The following RIN2 variants were observed in gnomAD, a reference collection of about 807,000 sequenced individuals.
RIN2 encodes the protein RAB5 interacting protein 2.
A neutral mutation model predicts 78.0 loss-of-function variants in RIN2; 36 were observed. The ratio of observed to expected loss-of-function variants is 0.46; its 90% CI spans 0.35 to 0.61. RIN2 has a LOEUF of 0.61. Ranked by LOEUF, RIN2 falls within the 20% of genes least tolerant of loss-of-function variation. The probability of loss-of-function intolerance (pLI) is 0.00; values close to 1 mark genes in which losing one functional copy is unlikely to be tolerated. For synonymous variants in RIN2, 466 were observed against 466.8 expected (o/e 1.00, Z 0.02); for missense variants, 1,087 against 1,159.7 (o/e 0.94, Z 0.91).
At chr20:19,867,095 CATAAG>C (rs2037533543) in intron 2 of RIN2, among the ~76,000 whole-genome samples, 3 of 151,966 alleles carry the variant, frequency 2.0e-5, no homozygotes, top group Non-Finnish European at 4.4e-5. Context: ...TACAGAGACT[CATAAG>C]ATGTCAGTTA....
At chr20:19,776,280 C>G (rs1416658736) in intron 1 of RIN2, among the ~76,000 whole-genome samples, 1 of 152,200 alleles carries the variant, frequency 6.6e-6, no homozygotes, top group Non-Finnish European at 1.5e-5. Context: ...ACTGATAGAA[C>G]AGATTCTTGA....
intron 1 of RIN2, among the ~76,000 whole-genome samples, chr20:19,770,880 C>A (rs78194863): frequency 6.9e-4 from 96 of 139,248 alleles, no homozygotes; most frequent in Non-Finnish European, 1.2e-3. Flanking sequence ...CCCACCCCCC[C>A]CCCCCACCTT....
intron 3 of RIN2, among the ~76,000 whole-genome samples, chr20:19,918,207 G>A (rs1362200486): frequency 3.9e-5 from 6 of 152,056 alleles, no homozygotes; most frequent in South Asian, 2.1e-4. Flanking sequence ...AAACCTGCTC[G>A]TCTATTTTAA....
chr20:19,844,669 C>CCTCTTCCTCTTCCT (rs1568807647), intron 2 of RIN2, among the ~76,000 whole-genome samples: 2 of 76,166 alleles, frequency 2.6e-5, no homozygotes, highest in African/African-American at 1.2e-4. Flanking sequence ...TCTTCTTCTT[C>CCTCTTCCTCTTCCT]CTTCTTCTTC....
At chr20:19,912,138 C>T (rs2039496296) in intron 3 of RIN2, among the ~76,000 whole-genome samples, 9 of 152,222 alleles carry the variant, frequency 5.9e-5, no homozygotes, top group Admixed American at 5.9e-4. Context: ...TCAGCCTTAA[C>T]TCCAGGACTC....
At position 19,887,640 on chromosome 20, in the gene RIN2, C is replaced by G. The variant is rs566458661; in HGVS notation, c.-36-1926C>G. On this transcript the variant is annotated intron_variant, in intron 2 of 12. Coordinates refer to ENST00000255006, the MANE Select transcript of RIN2 (RefSeq NM_018993.4). ...CTAATTAAAATAAACTAGTACATTT[C>G]TGGAACCTAAACTGCTCCAATGCTG... is the stretch of plus-strand genomic sequence containing the variant. Among the ~76,000 whole-genome samples the G allele has an allele frequency of 2.6e-5, 4 of 152,306 alleles. No individual in the cohort carries two copies. The East Asian group carries it at 5.8e-4, about 22-fold the overall frequency.
chr20:19,875,866 G>A (rs1298443375), intron 2 of RIN2, among the ~76,000 whole-genome samples: 1 of 152,208 alleles, frequency 6.6e-6, no homozygotes, highest in African/African-American at 2.4e-5. Context: ...GGTCGGCGCA[G>A]TCCAAGGCCT....
At chr20:19,892,436 G>T (rs889953158) in intron 3 of RIN2, among the ~76,000 whole-genome samples, 1 of 152,024 alleles carries the variant, frequency 6.6e-6, no homozygotes, top group African/African-American at 2.4e-5. Context: ...TGCTGGTCTC[G>T]AACTCCTGAC....
intron 4 of RIN2, among the ~76,000 whole-genome samples, chr20:19,955,714 A>G (rs1452667049): frequency 6.6e-6 from 1 of 152,200 alleles, no homozygotes; most frequent in Non-Finnish European, 1.5e-5. Context: ...TAATGTCGAC[A>G]TGATTTTACG....
intron 4 of RIN2, among the ~76,000 whole-genome samples, chr20:19,940,477 T>A (rs2040822920): frequency 6.6e-6 from 1 of 152,208 alleles, no homozygotes; most frequent in African/African-American, 2.4e-5. Flanking sequence ...TGTGCCTCCC[T>A]GACCAGTTCT....
chr20:19,881,054 TTTC>T (rs1319384936), intron 2 of RIN2, among the ~76,000 whole-genome samples: 1 of 152,224 alleles, frequency 6.6e-6, no homozygotes, highest in Non-Finnish European at 1.5e-5. Flanking sequence ...AGAGATCTAG[TTTC>T]TTACTTTTGC....
At chr20:19,764,918 G>GGTTTTTTTTTTTT (rs2033804608) in intron 1 of RIN2, among the ~76,000 whole-genome samples, 6 of 50,362 alleles carry the variant, frequency 1.2e-4, no homozygotes, top group Non-Finnish European at 2.2e-4. Flanking sequence ...CACTTTCTGC[G>GGTTTTTTTTTTTT]TTTTTTTTTT....
intron 4 of RIN2, among the ~76,000 whole-genome samples, chr20:19,947,377 C>A (rs2041139802): frequency 6.6e-6 from 1 of 152,106 alleles, no homozygotes; most frequent in South Asian, 2.1e-4. Context: ...ATTTAAATAT[C>A]AAAATTAACC....
chr20:19,904,014 G>A (rs1250402773), intron 3 of RIN2, among the ~76,000 whole-genome samples: 1 of 152,034 alleles, frequency 6.6e-6, no homozygotes. Context: ...ACTTTGGGAG[G>A]CCGAGGCGGG....
chr20:19,986,745 G>T (rs2042635183), intron 9 of RIN2, among the ~76,000 whole-genome samples: 1 of 152,196 alleles, frequency 6.6e-6, no homozygotes, highest in Non-Finnish European at 1.5e-5. Context: ...TGCCCGTGGG[G>T]TTCAAGGTGA....
intron 10 of RIN2, 47 bp downstream of exon 10, chr20:19,990,358 C>T (rs752653521): frequency 1.2e-5 from 19 of 1,547,656 alleles, no homozygotes; most frequent in South Asian, 2.5e-5. Flanking sequence ...CCTTCCGGGC[C>T]GGGGACAGGC....
intron 1 of RIN2, among the ~76,000 whole-genome samples, chr20:19,776,049 CTTCTT>C (rs2034298272): frequency 6.6e-6 from 1 of 152,172 alleles, no homozygotes; most frequent in Admixed American, 6.5e-5. Context: ...CAACCATTAA[CTTCTT>C]TTCATTTCCT....
At chr20:19,855,513 G>T (rs996279310) in intron 2 of RIN2, among the ~76,000 whole-genome samples, 22 of 152,158 alleles carry the variant, frequency 1.4e-4, no homozygotes, top group Middle Eastern at 6.8e-3. Flanking sequence ...TCTGGTCCTG[G>T]ACTTTTTCTG....
intron 9 of RIN2, among the ~76,000 whole-genome samples, chr20:19,979,760 G>A (rs575583413): frequency 6.6e-6 from 1 of 151,954 alleles, no homozygotes; most frequent in South Asian, 2.1e-4. Flanking sequence ...AGCTATTCTG[G>A]GGCCAGGTGC....
Sources: gnomAD v4.1 joint callset for allele counts (sites outside exome capture counted in the v4.1 genomes callset) on GRCh38, gnomAD v4.1.1 for gene constraint, MANE v1.5 for transcripts, NCBI Gene and HGNC (gene_info 2026-07-23, HGNC 2026-07-21) for gene names.